PIGL: variants seen among roughly 807,000 people sequenced by gnomAD.
PIGL encodes N-acetylglucosaminyl-phosphatidylinositol de-N-acetylase.
In PIGL, 22 loss-of-function variants were observed where a neutral mutation model predicts 31.1. The observed-to-expected ratio is 0.71, with a 90% CI of 0.51 to 1.01. The LOEUF is 1.01. Among genes scored for constraint, PIGL ranks in the 50% least tolerant of loss-of-function variants. The probability of loss-of-function intolerance (pLI) is 0.00; values close to 1 mark genes in which losing one functional copy is unlikely to be tolerated. For missense variants in PIGL, 302 were observed against 315.9 expected (o/e 0.96, Z 0.33); for synonymous variants, 131 against 117.4 (o/e 1.12, Z -0.75).
At chr17:16,231,867 T>G (rs1009784359) in intron 1 of PIGL, among the ~76,000 whole-genome samples, 1 of 152,210 alleles carries the variant, frequency 6.6e-6, no homozygotes, top group African/African-American at 2.4e-5. Context: ...CATTTTCCTA[T>G]CAGTAAAAAA....
At chr17:16,311,463 C>CTTTATTTTTTTTTTTTTTTT (rs1313783180) in intron 3 of PIGL, among the ~76,000 whole-genome samples, 1 of 5,838 alleles carries the variant, frequency 1.7e-4, no homozygotes. Context: ...CAGAGGTTTT[C>CTTTATTTTTTTTTTTTTTTT]TTTCTTTTTT....
rs187511673 is a variant in PIGL at position 16,272,928 on chromosome 17, G to A, written c.336-26960G>A. Among the ~76,000 whole-genome samples the A allele has an allele frequency of 7.9e-4, 120 of 152,282 alleles. 1 individual carries two copies. The highest frequency in any genetic ancestry group is 2.9e-3 in the African/African-American group (119 of 41,570). ...GTGATTGAGGTATTTACAAAAAACT[G>A]GTGCCCCACTGAGCCAGGTTCACGT... is the stretch of plus-strand genomic sequence containing the variant. On this transcript the variant is annotated intron_variant, in intron 2 of 6. Transcript: ENST00000225609.
chr17:16,258,025 T>G (rs1227599086), intron 2 of PIGL, among the ~76,000 whole-genome samples: 1 of 130,728 alleles, frequency 7.6e-6, no homozygotes, highest in Admixed American at 8.7e-5. Flanking sequence ...ATAGCGCCAC[T>G]GCACTCCAGC....
intron 3 of PIGL, among the ~76,000 whole-genome samples, chr17:16,300,364 C>A (rs1255238495): frequency 6.6e-6 from 1 of 152,134 alleles, no homozygotes; most frequent in Non-Finnish European, 1.5e-5. Context: ...AGCATTTTCA[C>A]AGAGTATCAT....
chr17:16,319,830 C>T (rs985948639), intron 6 of PIGL, among the ~76,000 whole-genome samples: 7 of 151,228 alleles, frequency 4.6e-5, no homozygotes, highest in Non-Finnish European at 1.0e-4. Context: ...TAGGCCAGCT[C>T]AGGTCATCCT....
At chr17:16,230,717 A>G (rs1257524739) in intron 1 of PIGL, among the ~76,000 whole-genome samples, 4 of 151,760 alleles carry the variant, frequency 2.6e-5, no homozygotes, top group Non-Finnish European at 5.9e-5. Flanking sequence ...TCCTGGGTTC[A>G]AGCTTTTCTC....
intron 2 of PIGL, among the ~76,000 whole-genome samples, chr17:16,280,445 A>G (rs1356528356): frequency 1.3e-5 from 2 of 152,176 alleles, no homozygotes; most frequent in African/African-American, 4.8e-5. Context: ...TTTAGCTTAC[A>G]TACAGTATTG....
chr17:16,225,905 G>A (rs947043923), intron 1 of PIGL, among the ~76,000 whole-genome samples: 4 of 151,758 alleles, frequency 2.6e-5, no homozygotes, highest in African/African-American at 9.7e-5. Context: ...TTTCCAGCCT[G>A]TGTGCTGGCA....
At chr17:16,282,082 C>T in intron 2 of PIGL, 1 of 511,832 alleles carries the variant, frequency 2.0e-6, no homozygotes. Context: ...CTGGAGACCA[C>T]TGCCTTTCGA....
At chr17:16,253,184 G>A (rs1376228702) in intron 2 of PIGL, among the ~76,000 whole-genome samples, 1 of 151,746 alleles carries the variant, frequency 6.6e-6, no homozygotes, top group East Asian at 1.9e-4. Flanking sequence ...AACCCGGGAG[G>A]CGGAGGTTGC....
At chr17:16,233,220 A>G (rs1372858737) in intron 1 of PIGL, among the ~76,000 whole-genome samples, 1 of 152,198 alleles carries the variant, frequency 6.6e-6, no homozygotes, top group Admixed American at 6.6e-5. Flanking sequence ...TGGAGAGTTG[A>G]AGTAACAGGT....
chr17:16,320,935 A>ATTT lies in PIGL; in HGVS notation c.660+3045_660+3047dup, dbSNP rs34777606. ...CAGGCATGAGCCACTGTGCCTGGCC[A>ATTT]TTTTTTTTTTTTTTTTTTTTGAGAC... On this transcript the variant is annotated intron_variant, in intron 6 of 6. Transcript: ENST00000225609. 2.9e-4 allele frequency among the ~76,000 whole-genome samples: 26 copies of ATTT among 89,992 alleles called. 1 individual carries two copies. Among genetic ancestry groups the ATTT allele is most frequent in the Non-Finnish European group, 3.1e-4 (15 of 48,756 alleles). 59.0% of individuals were successfully genotyped at this position (89,992 alleles called of 152,430 possible).
At position 16,256,326 on chromosome 17, in the gene PIGL, T is replaced by G. The variant is rs768162721; in HGVS notation, c.335+22256T>G. 6.4e-4 allele frequency among the ~76,000 whole-genome samples: 97 copies of G among 151,346 alleles called. 1 individual carries two copies. Among genetic ancestry groups the G allele is most frequent in the Non-Finnish European group, 9.7e-4 (66 of 68,012 alleles). ...GATGTTCATAATATAATATTGAGGG[T>G]TTTTTTGTTGTTTGTTTGTTTGTTT... On this transcript the variant is annotated intron_variant, in intron 2 of 6. Transcript: ENST00000225609.
intron 2 of PIGL, among the ~76,000 whole-genome samples, chr17:16,251,439 G>C (rs1468790328): frequency 7.0e-6 from 1 of 143,256 alleles, no homozygotes; most frequent in Admixed American, 7.0e-5. Context: ...AAAAAAAAAA[G>C]ACCAACGTGG....
In PIGL at chr17:16,224,737, A is replaced by G. The variant is rs568378386; in HGVS notation, c.235+7276A>G. Among the ~76,000 whole-genome samples, 153 of 148,428 alleles carry G rather than the reference A, an allele frequency of 1.0e-3. 1 individual carries two copies. Among genetic ancestry groups the G allele is most frequent in the Admixed American group, 2.2e-3 (32 of 14,820 alleles). On this transcript the variant is annotated intron_variant, in intron 1 of 6. Coordinates refer to ENST00000225609, the MANE Select transcript of PIGL (RefSeq NM_004278.4). ...AGTGGCGCAGTCTCGGCTCACTGCA[A>G]CCTCCACCTCCCAGGTTCAAGCGAT...
In PIGL at chr17:16,233,822, G is replaced by T. The variant is rs1366166609; in HGVS notation, c.236-149G>T. 1.7e-5 allele frequency: 10 copies of T among 575,000 alleles called. No homozygotes were observed. In the East Asian group the frequency reaches 2.8e-4, roughly 16 times the overall value. The allele number at this position is 575,000 out of a possible 1,614,324, so 35.6% of individuals were successfully genotyped here. A position where few individuals can be genotyped will look rare whatever the true frequency, so the allele number is the denominator to read the frequency against. The stretch of plus-strand genomic sequence containing the variant: ...AGTCTTCTCACAGGAGTATCTTGGT[G>T]TCGTGTTTTCTTAAACTTTGTATCA... On this transcript the variant is annotated intron_variant, in intron 1 of 6. Coordinates refer to ENST00000225609, the MANE Select transcript of PIGL (RefSeq NM_004278.4).
rs568982006 is a variant in PIGL, at chr17:16,256,028, CA to C, written c.335+21968del. Among the ~76,000 whole-genome samples the C allele has an allele frequency of 2.1e-4, 30 of 141,600 alleles. No individual in the cohort carries two copies. The South Asian group carries it at 5.1e-3, about 24-fold the overall frequency. The allele number at this position is 141,600 out of a possible 152,430, so 92.9% of individuals were successfully genotyped here. ...GTAATATGACTAGGGAAGTCAAGTA[CA>C]AAAAAAAAAGTGAGACCAGGAAGGA... On this transcript the variant is annotated intron_variant, in intron 2 of 6. Transcript: ENST00000225609.
At chr17:16,278,782 G>A (rs949158759) in intron 2 of PIGL, among the ~76,000 whole-genome samples, 2 of 150,010 alleles carry the variant, frequency 1.3e-5, no homozygotes, top group Admixed American at 1.3e-4. Flanking sequence ...CACTTTCCTT[G>A]CATGTAAAAC....
At position 16,322,673 on chromosome 17, in the gene PIGL, C is replaced by T. The variant is rs540296706; in HGVS notation, c.661-3127C>T. ...CTATATTTATGAATGCACCTACTCA[C>T]TAAAATTCATTTGTAACTCCAAAGT... On this transcript the variant is annotated intron_variant, in intron 6 of 6. Coordinates refer to ENST00000225609, the MANE Select transcript of PIGL (RefSeq NM_004278.4). Among the ~76,000 whole-genome samples, 12 of 152,292 alleles carry T rather than the reference C, an allele frequency of 7.9e-5. No homozygotes were observed. The East Asian group carries it at 2.3e-3, about 29-fold the overall frequency.
Sources: gnomAD v4.1 joint callset for allele counts (sites outside exome capture counted in the v4.1 genomes callset) on GRCh38, gnomAD v4.1.1 for gene constraint, MANE v1.5 for transcripts, NCBI Gene and HGNC (gene_info 2026-07-23, HGNC 2026-07-21) for gene names.